TNRC18: variants seen among roughly 807,000 people sequenced by gnomAD.
TNRC18 encodes the protein trinucleotide repeat-containing gene 18 protein.
A neutral mutation model predicts 226.7 loss-of-function variants in TNRC18; 69 were observed. The observed-to-expected ratio is 0.30, with a 90% CI of 0.25 to 0.37. The LOEUF is 0.37. Ranked by LOEUF, TNRC18 falls within the 10% of genes least tolerant of loss-of-function variation. TNRC18 has a pLI of 1.00. For synonymous variants in TNRC18, 2,449 were observed against 1,927.6 expected (o/e 1.27, Z -7.09); for missense variants, 4,754 against 4,256.6 (o/e 1.12, Z -3.25).
chr7:5,404,449 T>C lies in TNRC18; in HGVS notation c.188-9854A>G, dbSNP rs369423395. 1.3e-3 allele frequency among the ~76,000 whole-genome samples: 197 copies of C among 152,242 alleles called. 2 individuals carry two copies. The highest frequency in any genetic ancestry group is 4.6e-3 in the African/African-American group (192 of 41,548). Reference sequence around the variant, plus strand: ...AACTCCATCGAAATTTCAAGGCCATTAGCATTACAAAGAAGTATTGAAACA... The same window carrying C: ...AACTCCATCGAAATTTCAAGGCCATCAGCATTACAAAGAAGTATTGAAACA... On this transcript the variant is annotated intron_variant, in intron 2 of 29. Coordinates refer to ENST00000430969, the MANE Select transcript of TNRC18 (RefSeq NM_001080495.3).
chr7:5,345,843 C>A, intron 17 of TNRC18, 33 bp from the exon 18 acceptor site: 1 of 1,519,976 alleles, frequency 6.6e-7, no homozygotes, highest in South Asian at 1.2e-5. Flanking sequence ...CGAGTCAGAG[C>A]CTTGGCCTTG....
At chr7:5,380,737 C>G (rs1779341681) in intron 5 of TNRC18, among the ~76,000 whole-genome samples, 1 of 152,294 alleles carries the variant, frequency 6.6e-6, no homozygotes, top group African/African-American at 2.4e-5. Context: ...AAACTGAGGC[C>G]CAGAAGGGCA....
intron 26 of TNRC18, 31 bp downstream of exon 26, chr7:5,314,953 C>A: frequency 6.3e-7 from 1 of 1,581,026 alleles, no homozygotes. Flanking sequence ...GATCCGCCCA[C>A]CGCCCTGCCC....
chr7:5,414,858 T>C (rs562717359), intron 2 of TNRC18, among the ~76,000 whole-genome samples: 106 of 152,374 alleles, frequency 7.0e-4, no homozygotes, highest in Non-Finnish European at 1.2e-3. Context: ...GTCCCAATGA[T>C]GTTCTTTGTA....
At chr7:5,364,915 CATT>C (rs1317217128) in intron 11 of TNRC18, among the ~76,000 whole-genome samples, 1 of 151,800 alleles carries the variant, frequency 6.6e-6, no homozygotes, top group Non-Finnish European at 1.5e-5. Context: ...TCTACCTCCT[CATT>C]ATGAGCTTGG....
chr7:5,389,076 G>T lies in TNRC18; in HGVS notation c.748C>A (p.Arg250Ser). The change falls in exon 5 of 30, where the codon CGC becomes AGC. Residue 250 changes from arginine to serine, a missense_variant. By Grantham distance (110) the Arg-to-Ser change is moderately radical. Transcript: ENST00000430969. ...AGGCGCGGGGGCCCCCGGTCCTGGCGGCCCTCGGCGCGCGCCTCCTGGGTC... is the reference window on the plus strand; with the variant it reads ...AGGCGCGGGGGCCCCCGGTCCTGGCTGCCCTCGGCGCGCGCCTCCTGGGTC... ...DLTQEARAEGRQDRGPPRLAE... is the reference protein window; with the variant it reads ...DLTQEARAEGSQDRGPPRLAE... 7.8e-7 allele frequency: 1 copy of T among 1,280,594 alleles called. No individual in the cohort carries two copies. The highest frequency in any genetic ancestry group is 9.9e-7 in the Non-Finnish European group (1 of 1,006,602). The allele number at this position is 1,280,594 out of a possible 1,614,324, so 79.3% of individuals were successfully genotyped here. A position where few individuals can be genotyped will look rare whatever the true frequency, so the allele number is the denominator to read the frequency against.
chr7:5,316,541 A>G (rs1787870208), intron 24 of TNRC18, among the ~76,000 whole-genome samples: 1 of 151,952 alleles, frequency 6.6e-6, no homozygotes, highest in South Asian at 2.1e-4. Flanking sequence ...AGCCTCCCAA[A>G]GTGCTGGGAT....
chr7:5,366,615 C>A (rs1051350090), intron 11 of TNRC18, among the ~76,000 whole-genome samples: 2 of 152,150 alleles, frequency 1.3e-5, no homozygotes, highest in South Asian at 2.1e-4. Flanking sequence ...TGAGCCACCG[C>A]GGCTGGCCGC....
intron 21 of TNRC18, among the ~76,000 whole-genome samples, chr7:5,321,491 A>T (rs1583760962): frequency 6.6e-6 from 1 of 151,958 alleles, no homozygotes; most frequent in South Asian, 2.1e-4. Flanking sequence ...GAAAGCCTGC[A>T]CCTGCTGCCT....
intron 29 of TNRC18, 84 bp downstream of exon 29, chr7:5,308,791 G>C: frequency 6.9e-7 from 1 of 1,451,216 alleles, no homozygotes; most frequent in Admixed American, 2.0e-5. Context: ...CAGAGCAGCA[G>C]ATGCTGAGCC....
chr7:5,336,173 C>G (rs1790099059), intron 18 of TNRC18, among the ~76,000 whole-genome samples: 1 of 150,338 alleles, frequency 6.7e-6, no homozygotes, highest in African/African-American at 2.5e-5. Flanking sequence ...CACCACTGCA[C>G]TCCAGCCTGG....
intron 11 of TNRC18, among the ~76,000 whole-genome samples, chr7:5,369,180 T>G (rs1180385423): frequency 6.6e-6 from 1 of 152,060 alleles, no homozygotes; most frequent in Non-Finnish European, 1.5e-5. Flanking sequence ...AAACCCCATC[T>G]CTACTAAAAA....
At chr7:5,347,188 AATTT>A (rs1223628803) in intron 17 of TNRC18, among the ~76,000 whole-genome samples, 1 of 143,838 alleles carries the variant, frequency 7.0e-6, no homozygotes, top group Non-Finnish European at 1.5e-5. Flanking sequence ...CAAAAAAAAA[AATTT>A]TTTTTTTTTT....
At chr7:5,343,233 A>G (rs908541520) in intron 18 of TNRC18, among the ~76,000 whole-genome samples, 1 of 138,850 alleles carries the variant, frequency 7.2e-6, no homozygotes, top group Non-Finnish European at 1.6e-5. Context: ...GTGTGCTTGT[A>G]ATCCCAGCTA....
chr7:5,396,081 G>C (rs1447462155), intron 2 of TNRC18, among the ~76,000 whole-genome samples: 1 of 149,092 alleles, frequency 6.7e-6, no homozygotes, highest in Non-Finnish European at 1.5e-5. Context: ...TGAGGCAGGA[G>C]AATCACTTGA....
intron 17 of TNRC18, among the ~76,000 whole-genome samples, chr7:5,350,105 C>G (rs1791630167): frequency 2.0e-5 from 3 of 151,910 alleles, no homozygotes; most frequent in Admixed American, 1.3e-4. Flanking sequence ...GGCGTGGGGT[C>G]CAGCCCATGG....
At chr7:5,420,669 G>A (rs1342562540) in intron 2 of TNRC18, 2 of 481,312 alleles carry the variant, frequency 4.2e-6, no homozygotes, top group Admixed American at 2.3e-5. Context: ...CGTTTGCCAA[G>A]AAAAAGATTC....
chr7:5,385,143 C>T (rs1255707207), intron 5 of TNRC18, among the ~76,000 whole-genome samples: 1 of 152,204 alleles, frequency 6.6e-6, no homozygotes, highest in Non-Finnish European at 1.5e-5. Context: ...GCGGGAGGTC[C>T]AGCACCAGAT....
intron 18 of TNRC18, among the ~76,000 whole-genome samples, chr7:5,341,827 G>A (rs938793328): frequency 1.3e-5 from 2 of 150,366 alleles, no homozygotes; most frequent in African/African-American, 4.9e-5. Flanking sequence ...TTCACAGCAT[G>A]ATTTACTGAA....
Sources: gnomAD v4.1 joint callset for allele counts (sites outside exome capture counted in the v4.1 genomes callset) on GRCh38, gnomAD v4.1.1 for gene constraint, MANE v1.5 for transcripts, NCBI Gene and HGNC (gene_info 2026-07-23, HGNC 2026-07-21) for gene names.